The following PTPN3 variants were observed in gnomAD, a reference collection of about 807,000 sequenced individuals.
The protein encoded by PTPN3 is protein tyrosine phosphatase non-receptor type 3, also known as tyrosine-protein phosphatase non-receptor type 3.
PTPN3 carries 96 observed loss-of-function variants against 132.7 expected under a neutral mutation model. The ratio of observed to expected loss-of-function variants is 0.72; its 90% CI spans 0.61 to 0.86. PTPN3 has a LOEUF of 0.86. PTPN3 is among the 40% of genes least tolerant of loss of function. PTPN3 has a pLI of 0.00. For synonymous variants in PTPN3, 398 were observed against 429.0 expected (o/e 0.93, Z 0.89); for missense variants, 1,125 against 1,159.6 (o/e 0.97, Z 0.43).
the PTPN3 span, among the ~76,000 whole-genome samples, chr9:109,526,839 T>C: frequency 6.6e-6 from 1 of 152,110 alleles, no homozygotes; most frequent in Non-Finnish European, 1.5e-5. Flanking sequence ...GGAAATAGAA[T>C]AGAGATTCCA....
intron 10 of PTPN3, 163 bp from the exon 11 acceptor site, chr9:109,428,847 G>A (rs1475645670): frequency 5.1e-6 from 5 of 985,338 alleles, no homozygotes; most frequent in Middle Eastern, 5.2e-4. Flanking sequence ...CCCCACTGCC[G>A]CAGGCTAATA....
At chr9:109,497,427 C>T (rs1042560052) in intron 1 of PTPN3, among the ~76,000 whole-genome samples, 1 of 152,146 alleles carries the variant, frequency 6.6e-6, no homozygotes, top group Admixed American at 6.5e-5. Flanking sequence ...AACAACTTGC[C>T]AAGGTCACCA....
chr9:109,487,060 G>A (rs1196054701), intron 1 of PTPN3, among the ~76,000 whole-genome samples: 1 of 152,128 alleles, frequency 6.6e-6, no homozygotes, highest in African/African-American at 2.4e-5. Context: ...CGTGAGAATG[G>A]ACTAATATAC....
At chr9:109,416,841 G>A (rs1020983560) in intron 14 of PTPN3, among the ~76,000 whole-genome samples, 1 of 152,196 alleles carries the variant, frequency 6.6e-6, no homozygotes. Context: ...AAGAAGTTAT[G>A]CAGGCATGAA....
chr9:109,489,188 C>T (rs1247381936), intron 1 of PTPN3, among the ~76,000 whole-genome samples: 2 of 152,204 alleles, frequency 1.3e-5, no homozygotes, highest in Non-Finnish European at 2.9e-5. Context: ...TGTCCCTGCT[C>T]CTCCATCCAG....
chr9:109,385,263 G>A (rs568770580), intron 22 of PTPN3, among the ~76,000 whole-genome samples: 1 of 152,314 alleles, frequency 6.6e-6, no homozygotes, highest in Admixed American at 6.5e-5. Flanking sequence ...TGGAGATCCT[G>A]AGTTTCAACC....
Position 109,456,387 on chromosome 9 carries a change from A to G in PTPN3, c.289+786T>C, listed in dbSNP as rs143564201. ...TCAGAACCCCAACACGGGTGATGGT[A>G]AATCTAAGAGAATGTCGAGGGAGCC... On this transcript the variant is annotated intron_variant, in intron 4 of 25. Coordinates refer to ENST00000374541, the MANE Select transcript of PTPN3 (RefSeq NM_002829.4). 5.3e-5 allele frequency among the ~76,000 whole-genome samples: 8 copies of G among 152,362 alleles called. No individual in the cohort carries two copies. In the East Asian group the frequency reaches 1.3e-3, roughly 26 times the overall value.
At chr9:109,431,115 C>T (rs1247333754) in intron 10 of PTPN3, among the ~76,000 whole-genome samples, 1 of 152,238 alleles carries the variant, frequency 6.6e-6, no homozygotes, top group Non-Finnish European at 1.5e-5. Flanking sequence ...GGGGCCAGGC[C>T]TCGACAGGAG....
At chr9:109,421,231 T>C (rs868813044) in intron 13 of PTPN3, among the ~76,000 whole-genome samples, 2 of 152,216 alleles carry the variant, frequency 1.3e-5, no homozygotes, top group Admixed American at 6.5e-5. Context: ...CGGCTGTACT[T>C]ACCTGCTCCT....
chr9:109,509,047 A>T, the PTPN3 span, among the ~76,000 whole-genome samples: 12 of 152,180 alleles, frequency 7.9e-5, no homozygotes, highest in Admixed American at 7.2e-4. Flanking sequence ...TTAAAGGAAG[A>T]TCTACAGGTG....
chr9:109,450,648 T>G (rs760552365), intron 5 of PTPN3: 243 of 985,086 alleles, frequency 2.5e-4, no homozygotes, highest in Non-Finnish European at 2.8e-4. Context: ...AGATTGCCAG[T>G]ATATAAAATT....
chr9:109,526,854 C>T, the PTPN3 span, among the ~76,000 whole-genome samples: 6 of 152,248 alleles, frequency 3.9e-5, no homozygotes, highest in African/African-American at 1.4e-4. Flanking sequence ...ATTCCAGCAA[C>T]AATCCCAGCC....
intron 1 of PTPN3, among the ~76,000 whole-genome samples, chr9:109,471,801 C>G (rs1345465461): frequency 1.3e-5 from 2 of 152,148 alleles, no homozygotes; most frequent in Non-Finnish European, 2.9e-5. Context: ...CCAACGCACC[C>G]AGCTTGAAGT....
In PTPN3 at chr9:109,388,940, C is replaced by T. The variant is rs73525128; in HGVS notation, c.2253+293G>A. On this transcript the variant is annotated intron_variant, in intron 22 of 25. Coordinates refer to ENST00000374541, the MANE Select transcript of PTPN3 (RefSeq NM_002829.4). Reference sequence around the variant, plus strand: ...ACACACACTGCTCTTTCAGGACCAGCACTTGTCCTGAATGGGCAAGGCCAC... The same window carrying T: ...ACACACACTGCTCTTTCAGGACCAGTACTTGTCCTGAATGGGCAAGGCCAC... 9.1e-3 allele frequency among the ~76,000 whole-genome samples: 1,380 copies of T among 152,316 alleles called. 22 individuals carry two copies. Among genetic ancestry groups the T allele is most frequent in the African/African-American group, 0.032 (1,320 of 41,552 alleles).
chr9:109,513,896 T>C, the PTPN3 span, among the ~76,000 whole-genome samples: 4 of 152,198 alleles, frequency 2.6e-5, no homozygotes, highest in African/African-American at 9.7e-5. Flanking sequence ...AAGATATTAA[T>C]GAGAAATCTC....
chr9:109,529,381 C>G, the PTPN3 span, among the ~76,000 whole-genome samples: 1 of 152,342 alleles, frequency 6.6e-6, no homozygotes, highest in South Asian at 2.1e-4. Flanking sequence ...ACCATCCCTT[C>G]AGGTGATACT....
intron 1 of PTPN3, among the ~76,000 whole-genome samples, chr9:109,495,180 C>T (rs1025522265): frequency 6.6e-6 from 1 of 152,206 alleles, no homozygotes; most frequent in Admixed American, 6.5e-5. Context: ...GGCTACTGCA[C>T]CCCCACCAGC....
intron 18 of PTPN3, 46 bp from the exon 19 acceptor site, chr9:109,404,654 G>C (rs756143933): frequency 1.5e-6 from 2 of 1,378,676 alleles, no homozygotes; most frequent in Non-Finnish European, 1.9e-6. Flanking sequence ...GCAATACTCA[G>C]GTTTATCCGT....
chr9:109,456,289 G>A (rs1845561340), intron 4 of PTPN3, among the ~76,000 whole-genome samples: 1 of 152,212 alleles, frequency 6.6e-6, no homozygotes, highest in Non-Finnish European at 1.5e-5. Context: ...ATATAACAAG[G>A]GTCCTAACCT....
Sources: allele counts gnomAD v4.1 joint callset (sites outside exome capture counted in the v4.1 genomes callset), GRCh38; gene constraint gnomAD v4.1.1; transcripts MANE v1.5; gene names NCBI Gene and HGNC (gene_info 2026-07-23, HGNC 2026-07-21).